The following NPAS3 variants were observed in gnomAD, a reference collection of about 807,000 sequenced individuals.
NPAS3 encodes the protein neuronal PAS domain-containing protein 3.
Under a neutral mutation model 73.1 loss-of-function variants are expected in NPAS3, and 14 were observed. The ratio of observed to expected loss-of-function variants is 0.19; its 90% confidence interval spans 0.13 to 0.30. The LOEUF is 0.30. NPAS3 is among the 10% of genes least tolerant of loss of function. NPAS3 has a pLI of 1.00. For synonymous variants in NPAS3, 620 were observed against 541.5 expected, an observed-to-expected ratio of 1.14 and a Z score of -2.01; for missense variants, 1,096 against 1,250.0, an observed-to-expected ratio of 0.88 and a Z score of 1.86.
intron 2 of NPAS3, among the ~76,000 whole-genome samples, chr14:33,130,484 C>T (rs746054701): frequency 5.2e-4 from 79 of 152,130 alleles, no homozygotes; most frequent in Admixed American, 2.6e-3. Flanking sequence ...TAAAATTAAG[C>T]ATGATTAATC....
chr14:33,627,921 C>G (rs1231325258), intron 5 of NPAS3, among the ~76,000 whole-genome samples: 1 of 152,188 alleles, frequency 6.6e-6, no homozygotes, highest in Non-Finnish European at 1.5e-5. Flanking sequence ...AAGAAAATCT[C>G]TTATCAGCAG....
rs1478344331 is a variant in NPAS3, at chr14:33,267,830, G to A, written c.385+52404G>A. On this transcript the variant is annotated intron_variant, in intron 3 of 11. Transcript: ENST00000356141. ...GGAGCCCAGCATTGGGCATGCAGAG[G>A]AGTGCTATCGGCACATATTGGGATG... is the stretch of plus-strand genomic sequence containing the variant. 2.6e-5 allele frequency among the ~76,000 whole-genome samples: 4 copies of A among 152,278 alleles called. No individual in the cohort carries two copies. The South Asian group carries it at 6.2e-4, about 24-fold the overall frequency.
intron 5 of NPAS3, among the ~76,000 whole-genome samples, chr14:33,675,721 C>T (rs1399490833): frequency 6.6e-6 from 1 of 152,152 alleles, no homozygotes; most frequent in African/African-American, 2.4e-5. Context: ...ACATGGAAAT[C>T]AGATGATATG....
intron 3 of NPAS3, among the ~76,000 whole-genome samples, chr14:33,253,408 G>T (rs1425173930): frequency 6.6e-6 from 1 of 152,038 alleles, no homozygotes; most frequent in Non-Finnish European, 1.5e-5. Context: ...TCCCAAGCTA[G>T]TGATTTTTAT....
chr14:33,419,755 G>A (rs996388481), intron 4 of NPAS3, among the ~76,000 whole-genome samples: 1 of 151,804 alleles, frequency 6.6e-6, no homozygotes, highest in African/African-American at 2.4e-5. Flanking sequence ...CGATAATCTG[G>A]TTTGTCTTAT....
chr14:33,616,344 T>G (rs1173030150), intron 5 of NPAS3, among the ~76,000 whole-genome samples: 1 of 152,196 alleles, frequency 6.6e-6, no homozygotes, highest in Middle Eastern at 3.2e-3. Context: ...CTTGACATTT[T>G]CTTTATTGGT....
chr14:33,752,704 T>C (rs2061999008), intron 7 of NPAS3, among the ~76,000 whole-genome samples: 2 of 152,228 alleles, frequency 1.3e-5, no homozygotes. Flanking sequence ...AGTCTAACTT[T>C]ATGTTGACAA....
At chr14:33,257,439 C>G (rs368817873) in intron 3 of NPAS3, among the ~76,000 whole-genome samples, 27 of 152,238 alleles carry the variant, frequency 1.8e-4, no homozygotes, top group African/African-American at 6.0e-4. Flanking sequence ...ATTTAAAAAG[C>G]TCTTTAGTCC....
intron 7 of NPAS3, among the ~76,000 whole-genome samples, chr14:33,761,329 C>T (rs907169445): frequency 5.3e-5 from 8 of 152,120 alleles, no homozygotes; most frequent in African/African-American, 1.7e-4. Flanking sequence ...ATTCAAAAGA[C>T]TGATCTGGGT....
At chr14:33,759,137 G>A (rs919913495) in intron 7 of NPAS3, among the ~76,000 whole-genome samples, 2 of 152,094 alleles carry the variant, frequency 1.3e-5, no homozygotes, top group Non-Finnish European at 2.9e-5. Context: ...TCAAACTGCT[G>A]ATTCTTTATT....
At chr14:33,464,613 G>C (rs2050424381) in intron 4 of NPAS3, among the ~76,000 whole-genome samples, 1 of 152,222 alleles carries the variant, frequency 6.6e-6, no homozygotes, top group Non-Finnish European at 1.5e-5. Flanking sequence ...TGAAGGTGAA[G>C]CTAGTAGTCA....
At chr14:33,143,069 C>A (rs2044112687) in intron 2 of NPAS3, among the ~76,000 whole-genome samples, 1 of 152,184 alleles carries the variant, frequency 6.6e-6, no homozygotes, top group Admixed American at 6.5e-5. Flanking sequence ...CATGCCATTG[C>A]ACTCCAGCCT....
intron 4 of NPAS3, among the ~76,000 whole-genome samples, chr14:33,490,430 C>A (rs1208048374): frequency 6.6e-6 from 1 of 152,094 alleles, no homozygotes; most frequent in Non-Finnish European, 1.5e-5. Context: ...ATCCATTGAA[C>A]AGTATACAGT....
chr14:33,771,691 G>A (rs910219855), intron 7 of NPAS3, among the ~76,000 whole-genome samples: 1 of 151,980 alleles, frequency 6.6e-6, no homozygotes. Flanking sequence ...GGGGCCTGTG[G>A]TCCCAGCTAC....
intron 2 of NPAS3, among the ~76,000 whole-genome samples, chr14:33,068,237 G>C (rs2041348936): frequency 6.6e-6 from 1 of 152,208 alleles, no homozygotes; most frequent in African/African-American, 2.4e-5. Flanking sequence ...TCTTAGCTTA[G>C]TGTTTAAAAC....
At chr14:33,759,122 C>T (rs1486510743) in intron 7 of NPAS3, among the ~76,000 whole-genome samples, 1 of 152,178 alleles carries the variant, frequency 6.6e-6, no homozygotes, top group African/African-American at 2.4e-5. Context: ...TTTTCTACAC[C>T]ACATTCAAAC....
rs1181662357 is a variant in NPAS3 at position 33,101,798 on chromosome 14, A to G, written c.140+45804A>G. 2.0e-5 allele frequency among the ~76,000 whole-genome samples: 3 copies of G among 152,164 alleles called. No individual in the cohort carries two copies. In the East Asian group the frequency reaches 5.8e-4, roughly 29 times the overall value. On this transcript the variant is annotated intron_variant, in intron 2 of 11. Transcript: ENST00000356141. ...GTACTCATCCAATATCCTGTTGTAC[A>G]TGAAGATCCAGCACTCACCACGGCC...
At chr14:32,989,321 G>GA (rs1384212360) in intron 1 of NPAS3, among the ~76,000 whole-genome samples, 5 of 152,318 alleles carry the variant, frequency 3.3e-5, no homozygotes, top group Middle Eastern at 3.4e-3. Flanking sequence ...TACAGGAAAT[G>GA]AGGTTGAAAA....
intron 1 of NPAS3, among the ~76,000 whole-genome samples, chr14:32,946,709 T>C (rs1486855373): frequency 6.6e-6 from 1 of 152,210 alleles, no homozygotes; most frequent in Non-Finnish European, 1.5e-5. Context: ...GATAATTCGC[T>C]TGTGTATTGG....
Sources: allele counts gnomAD v4.1 joint callset (sites outside exome capture counted in the v4.1 genomes callset), GRCh38; gene constraint gnomAD v4.1.1; transcripts MANE v1.5; gene names NCBI Gene and HGNC (gene_info 2026-07-23, HGNC 2026-07-21).